The following NMRAL1 variants were observed in gnomAD, a reference collection of about 807,000 sequenced individuals.
NMRAL1 encodes NmrA like redox sensor 1.
Under a neutral mutation model 27.5 loss-of-function variants are expected in NMRAL1, and 32 were observed. That is an observed-to-expected ratio of 1.16 (90% CI 0.88 to 1.56). The LOEUF is 1.56. Ranked by LOEUF, NMRAL1 falls within the 40% of genes most tolerant of loss-of-function variation. The pLI is 0.00. For missense variants in NMRAL1, 420 were observed against 392.0 expected (o/e 1.07, Z -0.60); for synonymous variants, 166 against 166.8 (o/e 1.00, Z 0.04).
At chr16:4,470,307 C>A (rs971954493) in intron 2 of NMRAL1, among the ~76,000 whole-genome samples, 1 of 150,390 alleles carries the variant, frequency 6.6e-6, no homozygotes, top group Non-Finnish European at 1.5e-5. Context: ...ACTGTCTCTA[C>A]TAAAAATACA....
intron 3 of NMRAL1, 103 bp downstream of exon 3, chr16:4,469,124 G>A (rs1179928722): frequency 8.1e-6 from 6 of 737,542 alleles, no homozygotes; most frequent in Non-Finnish European, 1.4e-5. Context: ...GAAGAAGAGG[G>A]AAAGGCCTGC....
At chr16:4,474,332 C>A in intron 1 of NMRAL1, 166 bp from the exon 2 acceptor site, 1 of 571,800 alleles carries the variant, frequency 1.7e-6, no homozygotes, top group Non-Finnish European at 3.2e-6. Flanking sequence ...CGACCCACCT[C>A]GTGTCCCTTG....
chr16:4,472,025 T>C (rs1251259059), intron 2 of NMRAL1, among the ~76,000 whole-genome samples: 2 of 151,860 alleles, frequency 1.3e-5, no homozygotes, highest in Non-Finnish European at 2.9e-5. Flanking sequence ...TAGTGAGTGA[T>C]GATTGAGCCA....
In NMRAL1 at chr16:4,473,293, A is replaced by G. The variant is rs567439474; in HGVS notation, c.40+800T>C. Among the ~76,000 whole-genome samples the G allele has an allele frequency of 1.2e-3, 177 of 152,220 alleles. 1 individual carries two copies. The highest frequency in any genetic ancestry group is 2.3e-3 in the Admixed American group (35 of 15,272). Reference sequence around the variant, plus strand: ...CCAGAGTTTCTTTTTGGAGTGATGGAAATTTTCTAAAATTGATTGTGGTGA... The same window carrying G: ...CCAGAGTTTCTTTTTGGAGTGATGGGAATTTTCTAAAATTGATTGTGGTGA... On this transcript the variant is annotated intron_variant, in intron 2 of 5. Coordinates refer to ENST00000283429, the MANE Select transcript of NMRAL1 (RefSeq NM_020677.6).
intron 4 of NMRAL1, among the ~76,000 whole-genome samples, chr16:4,465,695 T>C (rs549370096): frequency 1.3e-5 from 2 of 152,224 alleles, no homozygotes; most frequent in Admixed American, 1.3e-4. Flanking sequence ...GCCTCCCTAG[T>C]AGCTGCCAGT....
chr16:4,463,243 C>T (rs2057177475), intron 5 of NMRAL1, among the ~76,000 whole-genome samples: 1 of 152,228 alleles, frequency 6.6e-6, no homozygotes, highest in Non-Finnish European at 1.5e-5. Context: ...TCCAGTAGGC[C>T]TCCTGCCCAC....
chr16:4,461,767 C>G lies in NMRAL1; in HGVS notation c.*13G>C. The G allele has an allele frequency of 1.9e-6, 3 of 1,600,192 alleles. No homozygotes were observed. The highest frequency in any genetic ancestry group is 1.1e-5 in the South Asian group (1 of 89,758). Reference sequence around the variant, plus strand: ...TGCCCCCGATCCCCACAAGGGGCCGCGAGGCGGGCAGGTCACAGCAGGTTG... The same window carrying G: ...TGCCCCCGATCCCCACAAGGGGCCGGGAGGCGGGCAGGTCACAGCAGGTTG... On this transcript the variant is annotated 3_prime_UTR_variant, in exon 6 of 6. Coordinates refer to ENST00000283429, the MANE Select transcript of NMRAL1 (RefSeq NM_020677.6).
In NMRAL1 at chr16:4,466,169, T is replaced by C. The variant is rs1455773448; in HGVS notation, c.513A>G (p.Gly171=). 1 of 1,614,158 alleles carries C rather than the reference T, an allele frequency of 6.2e-7. No individual in the cohort carries two copies. The highest frequency in any genetic ancestry group is 8.5e-7 in the Non-Finnish European group (1 of 1,180,048). The change falls in exon 4 of 6, where the codon GGA becomes GGG. Residue 171 remains glycine (G), a synonymous_variant. Coordinates refer to ENST00000283429, the MANE Select transcript of NMRAL1 (RefSeq NM_020677.6). ...SHFLPQKAPD[G]KSYLLSLPTG... ...GGCACTTACTCAGCAAGTAGCTCTT[T>C]CCGTCTGGGGCTTTCTGGGGCAAGA...
intron 2 of NMRAL1, 179 bp from the exon 3 acceptor site, chr16:4,469,644 C>CT (rs767253524): frequency 7.8e-7 from 1 of 1,287,464 alleles, no homozygotes; most frequent in South Asian, 1.6e-5. Flanking sequence ...GAGTCTCACT[C>CT]TATCACCCAG....
intron 5 of NMRAL1, among the ~76,000 whole-genome samples, chr16:4,462,270 G>A (rs1415448593): frequency 6.6e-6 from 1 of 152,202 alleles, no homozygotes; most frequent in African/African-American, 2.4e-5. Context: ...CTTGAGGCCA[G>A]GAGTTCGAGA....
At position 4,466,646 on chromosome 16, in the gene NMRAL1, G is replaced by T. The variant is rs1023948663; in HGVS notation, c.280-244C>A. On this transcript the variant is annotated intron_variant, in intron 3 of 5. Coordinates refer to ENST00000283429, the MANE Select transcript of NMRAL1 (RefSeq NM_020677.6). ...GCCCACCATGTGCAACATAGGACGG[G>T]GGGGCAGGTCGGCTGCAGGGGGACG... is the stretch of plus-strand genomic sequence containing the variant. 3.5e-5 allele frequency: 19 copies of T among 540,616 alleles called. 1 individual carries two copies. Among genetic ancestry groups the T allele is most frequent in the South Asian group, 8.5e-5 (4 of 47,266 alleles). 33.5% of individuals were successfully genotyped at this position (540,616 alleles called of 1,614,324 possible).
intron 3 of NMRAL1, among the ~76,000 whole-genome samples, chr16:4,467,478 C>A (rs1324009491): frequency 1.3e-5 from 2 of 151,736 alleles, no homozygotes; most frequent in Non-Finnish European, 2.9e-5. Flanking sequence ...AAGTGATCTG[C>A]CCACCTCAGC....
intron 5 of NMRAL1, 80 bp from the exon 6 acceptor site, chr16:4,462,039 G>A (rs2057133590): frequency 8.2e-7 from 1 of 1,225,518 alleles, no homozygotes; most frequent in Non-Finnish European, 1.2e-6. Flanking sequence ...GGATGGGCTG[G>A]GGTCTCCCGA....
At position 4,474,302 on chromosome 16, in the gene NMRAL1, C is replaced by A. The variant is rs2057736048; in HGVS notation, c.-34-136G>T. The A allele has an allele frequency of 4.9e-6, 3 of 612,278 alleles. No individual in the cohort carries two copies. In the South Asian group the frequency reaches 5.9e-5, roughly 12 times the overall value. The allele number at this position is 612,278 out of a possible 1,614,324, so 37.9% of individuals were successfully genotyped here. On this transcript the variant is annotated intron_variant, in intron 1 of 5. Coordinates refer to ENST00000283429, the MANE Select transcript of NMRAL1 (RefSeq NM_020677.6). Reference sequence around the variant, plus strand: ...GGGCCCGGAGCGGCAAGACGCCTGTCCCGAGATATCGGGGTCCCGCGACCC... The same window carrying A: ...GGGCCCGGAGCGGCAAGACGCCTGTACCGAGATATCGGGGTCCCGCGACCC...
intron 5 of NMRAL1, 102 bp downstream of exon 5, chr16:4,463,558 G>T: frequency 2.3e-6 from 2 of 887,478 alleles, no homozygotes; most frequent in Non-Finnish European, 3.5e-6. Context: ...AATGAATTTA[G>T]ATGTACTGCC....
chr16:4,464,521 CAG>C (rs34404665), intron 4 of NMRAL1, among the ~76,000 whole-genome samples: 12,095 of 151,808 alleles, frequency 0.08, 798 homozygotes, highest in African/African-American at 0.18. Context: ...TACCTAGAGA[CAG>C]GGGCCAGTGC....
At chr16:4,464,614 T>A (rs1265517387) in intron 4 of NMRAL1, among the ~76,000 whole-genome samples, 1 of 146,464 alleles carries the variant, frequency 6.8e-6, no homozygotes, top group Non-Finnish European at 1.5e-5. Flanking sequence ...ACTGCAGGTT[T>A]TTTTTTTTTT....
chr16:4,468,555 G>C (rs1397658310), intron 3 of NMRAL1, among the ~76,000 whole-genome samples: 1 of 150,878 alleles, frequency 6.6e-6, no homozygotes, highest in African/African-American at 2.5e-5. Flanking sequence ...GGCAGAGGTT[G>C]CAGTGAGCCG....
In NMRAL1 at chr16:4,466,462, C is replaced by G. The variant is rs953806291; in HGVS notation, c.280-60G>C. Reference sequence around the variant, plus strand: ...GAAGAAGGATGTCTGTCCCTGGTCACAGCCCCAGCATTCTAATCCCGGAGC... The same window carrying G: ...GAAGAAGGATGTCTGTCCCTGGTCAGAGCCCCAGCATTCTAATCCCGGAGC... On this transcript the variant is annotated intron_variant, in intron 3 of 5. Coordinates refer to ENST00000283429, the MANE Select transcript of NMRAL1 (RefSeq NM_020677.6). 18 of 1,558,430 alleles carry G rather than the reference C, an allele frequency of 1.2e-5. No homozygotes were observed. The African/African-American group carries it at 2.3e-4, about 20-fold the overall frequency.
Sources: gnomAD v4.1 joint callset for allele counts (sites outside exome capture counted in the v4.1 genomes callset) on GRCh38, gnomAD v4.1.1 for gene constraint, MANE v1.5 for transcripts, NCBI Gene and HGNC (gene_info 2026-07-23, HGNC 2026-07-21) for gene names.